The following HIP1 variants were observed in gnomAD, a reference collection of about 807,000 sequenced individuals.
The protein encoded by HIP1 is huntingtin interacting protein 1.
In HIP1, 65 loss-of-function variants were observed where a neutral mutation model predicts 147.6. The ratio of observed to expected loss-of-function variants is 0.44; its 90% CI spans 0.36 to 0.54. The LOEUF (loss-of-function observed/expected upper bound fraction) is 0.54, where lower values mean the gene tolerates loss of function less well. Among genes scored for constraint, HIP1 ranks in the 20% least tolerant of loss-of-function variants. The pLI is 0.00. For synonymous variants in HIP1, 479 were observed against 504.0 expected (o/e 0.95, Z 0.67); for missense variants, 1,061 against 1,299.6 (o/e 0.82, Z 2.82).
intron 25 of HIP1, among the ~76,000 whole-genome samples, chr7:75,546,433 T>A (rs587772914): frequency 1.3e-5 from 2 of 152,242 alleles, no homozygotes; most frequent in South Asian, 4.1e-4. Context: ...CCTCCCGAGC[T>A]GCGGCGGCAT....
rs942268881 is a variant in HIP1, at chr7:75,596,455, C to T, written c.184+2729G>A. ...AGGCTGGAGTACAGTGGTACGATCT[C>T]GGCTCACTGCAACCTCTGCCTCCCA... On this transcript the variant is annotated intron_variant, in intron 2 of 30. Coordinates refer to ENST00000336926, the MANE Select transcript of HIP1 (RefSeq NM_005338.7). Among the ~76,000 whole-genome samples, 5 of 152,022 alleles carry T rather than the reference C, an allele frequency of 3.3e-5. No individual in the cohort carries two copies. The South Asian group carries it at 6.2e-4, about 19-fold the overall frequency.
At chr7:75,560,013 C>G (rs1490468989) in intron 13 of HIP1, 98 bp from the exon 14 acceptor site, 1 of 1,209,654 alleles carries the variant, frequency 8.3e-7, no homozygotes. Context: ...AAGTAAATAC[C>G]TGATTCCCCT....
intron 1 of HIP1, among the ~76,000 whole-genome samples, chr7:75,628,619 C>T (rs1478210455): frequency 1.3e-5 from 2 of 152,102 alleles, no homozygotes; most frequent in East Asian, 1.9e-4. Context: ...GCTGGGATTA[C>T]AGGCACGTGC....
Position 75,568,452 on chromosome 7 carries a change from C to G in HIP1, c.746-196G>C, listed in dbSNP as rs6958170. On this transcript the variant is annotated intron_variant, in intron 8 of 30. Coordinates refer to ENST00000336926, the MANE Select transcript of HIP1 (RefSeq NM_005338.7). The surrounding 1 kb of genome is among the most constrained non-coding windows in gnomAD (Gnocchi z 4.1). ...GCAGGAACCAGCAGGAGTGTGGAGA[C>G]GCTTATCCTCCAAATCCTTTCACTT... Among the ~76,000 whole-genome samples the G allele has an allele frequency of 2.1e-4, 32 of 152,250 alleles. No individual in the cohort carries two copies. The highest frequency in any genetic ancestry group is 7.7e-4 in the African/African-American group (32 of 41,542).
chr7:75,727,956 G>A (rs1016436240), intron 1 of HIP1, among the ~76,000 whole-genome samples: 2 of 151,924 alleles, frequency 1.3e-5, no homozygotes, highest in Non-Finnish European at 2.9e-5. Context: ...CAGAAAGAAA[G>A]TATAAAATTT....
chr7:75,644,716 A>T (rs1318998813), intron 1 of HIP1, among the ~76,000 whole-genome samples: 2 of 152,216 alleles, frequency 1.3e-5, no homozygotes, highest in Non-Finnish European at 2.9e-5. Flanking sequence ...GAGGAGCTAG[A>T]GTCACTGACC....
chr7:75,709,095 C>T (rs1801084823), intron 1 of HIP1, among the ~76,000 whole-genome samples: 1 of 142,834 alleles, frequency 7.0e-6, no homozygotes, highest in Non-Finnish European at 1.5e-5. Context: ...GTATTTTCTT[C>T]TTCTTTTTCT....
chr7:75,547,645 C>T (rs145203746), intron 24 of HIP1, 110 bp downstream of exon 24: 10 of 846,764 alleles, frequency 1.2e-5, no homozygotes, highest in East Asian at 4.9e-5. Flanking sequence ...AGCCCTTCCC[C>T]GTGGCTGCTA....
intron 1 of HIP1, among the ~76,000 whole-genome samples, chr7:75,653,596 T>C (rs1017910114): frequency 1.3e-5 from 2 of 152,028 alleles, no homozygotes; most frequent in African/African-American, 2.4e-5. Flanking sequence ...TGAGGCCTTA[T>C]GCTTGTAATC....
At chr7:75,661,429 C>T (rs542456151) in intron 1 of HIP1, among the ~76,000 whole-genome samples, 4 of 151,414 alleles carry the variant, frequency 2.6e-5, no homozygotes, top group Non-Finnish European at 5.9e-5. Context: ...AAAAATTAGC[C>T]GGGCGTGGTG....
intron 1 of HIP1, among the ~76,000 whole-genome samples, chr7:75,615,784 A>G (rs1554505861): frequency 6.6e-6 from 1 of 151,444 alleles, no homozygotes; most frequent in East Asian, 2.0e-4. Flanking sequence ...AAAAAACAAA[A>G]ACAAAAACAA....
At chr7:75,556,404 G>A (rs1383702744) in intron 17 of HIP1, among the ~76,000 whole-genome samples, 1 of 152,138 alleles carries the variant, frequency 6.6e-6, no homozygotes, top group Non-Finnish European at 1.5e-5. Context: ...AAAGGAGGCC[G>A]GGCATGAAGG....
Position 75,542,983 on chromosome 7 carries a change from A to G in HIP1, c.2767-9T>C, listed in dbSNP as rs200472804. The G allele has an allele frequency of 1.8e-4, 297 of 1,610,836 alleles. 2 individuals carry two copies. Among genetic ancestry groups the G allele is most frequent in the Middle Eastern group, 3.3e-4 (2 of 6,054 alleles). The stretch of plus-strand genomic sequence containing the variant: ...TCCTTATCAGCTTTCACCTACCAGG[A>G]CAAAGCAGATTTAGGTTCATACAAC... On this transcript the variant is annotated splice_polypyrimidine_tract_variant and intron_variant, in intron 27 of 30. Coordinates refer to ENST00000336926, the MANE Select transcript of HIP1 (RefSeq NM_005338.7).
chr7:75,549,038 G>A (rs781917291), intron 22 of HIP1, 37 bp from the exon 23 acceptor site: 1 of 1,425,920 alleles, frequency 7.0e-7, no homozygotes, highest in African/African-American at 1.4e-5. Flanking sequence ...TGACCTTGGG[G>A]CCTCCTGTCT....
chr7:75,591,729 A>AG (rs1796507261), intron 4 of HIP1, among the ~76,000 whole-genome samples: 1 of 151,720 alleles, frequency 6.6e-6, no homozygotes, highest in African/African-American at 2.4e-5. Flanking sequence ...TACCAAAAAA[A>AG]AAAAAAAAAA....
intron 1 of HIP1, among the ~76,000 whole-genome samples, chr7:75,717,050 C>T (rs1801345360): frequency 6.6e-6 from 1 of 151,982 alleles, no homozygotes; most frequent in Non-Finnish European, 1.5e-5. Context: ...AACTCCTGGG[C>T]TCAAGCAATC....
intron 1 of HIP1, among the ~76,000 whole-genome samples, chr7:75,637,946 C>T (rs1798481931): frequency 6.8e-6 from 1 of 146,290 alleles, no homozygotes; most frequent in South Asian, 2.2e-4. Flanking sequence ...ATTCTAGTAC[C>T]TCCTCATCTC....
intron 15 of HIP1, 37 bp from the exon 16 acceptor site, chr7:75,557,807 C>A: frequency 6.7e-7 from 1 of 1,496,710 alleles, no homozygotes; most frequent in Non-Finnish European, 9.3e-7. Flanking sequence ...CCAGGAGATC[C>A]CAGGCTTAGA....
intron 1 of HIP1, among the ~76,000 whole-genome samples, chr7:75,687,293 C>G (rs980777549): frequency 6.6e-6 from 1 of 152,160 alleles, no homozygotes; most frequent in African/African-American, 2.4e-5. Context: ...GCCCCCAGTA[C>G]CTTTCTCATG....
Sources: allele counts gnomAD v4.1 joint callset (sites outside exome capture counted in the v4.1 genomes callset), GRCh38; gene constraint gnomAD v4.1.1; non-coding constraint Gnocchi (gnomAD v3.1); transcripts MANE v1.5; gene names NCBI Gene and HGNC (gene_info 2026-07-23, HGNC 2026-07-21).